The following SMAD3 variants were observed in gnomAD, a reference collection of about 807,000 sequenced individuals.
SMAD3 encodes SMAD family member 3, also known as MAD homolog 3.
Under a neutral mutation model 51.8 loss-of-function variants are expected in SMAD3, and 12 were observed. The observed-to-expected ratio is 0.23, with a 90% confidence interval of 0.15 to 0.38. SMAD3 has a LOEUF of 0.38. Ranked by LOEUF, SMAD3 falls within the 10% of genes least tolerant of loss-of-function variation. The probability of loss-of-function intolerance (pLI) is 1.00; values close to 1 mark genes in which losing one functional copy is unlikely to be tolerated. For missense variants in SMAD3, 294 were observed against 565.6 expected (o/e 0.52, Z 4.87); for synonymous variants, 238 against 227.7 (o/e 1.05, Z -0.41).
intron 1 of SMAD3, among the ~76,000 whole-genome samples, chr15:67,164,572 G>A (rs1322944047): frequency 6.6e-6 from 1 of 152,182 alleles, no homozygotes; most frequent in Non-Finnish European, 1.5e-5. Flanking sequence ...CCTTTTCCAA[G>A]CACAACTGAA....
At chr15:67,126,875 C>T (rs561416115) in intron 1 of SMAD3, among the ~76,000 whole-genome samples, 6 of 152,198 alleles carry the variant, frequency 3.9e-5, no homozygotes, top group Non-Finnish European at 8.8e-5. Context: ...GGCAGTGTGT[C>T]TCCCTACGAC....
At chr15:67,088,409 A>G (rs1261334072) in intron 1 of SMAD3, among the ~76,000 whole-genome samples, 1 of 152,236 alleles carries the variant, frequency 6.6e-6, no homozygotes, top group African/African-American at 2.4e-5. Flanking sequence ...AGGTGAGAGC[A>G]TCTGCCAGTG....
intron 1 of SMAD3, chr15:67,138,145 C>T (rs761569395): frequency 4.1e-5 from 58 of 1,417,826 alleles, no homozygotes; most frequent in South Asian, 2.6e-4. Flanking sequence ...TTCTTGAACT[C>T]GTCTCCCCAC....
At chr15:67,089,943 C>T (rs890297913) in intron 1 of SMAD3, among the ~76,000 whole-genome samples, 1 of 152,176 alleles carries the variant, frequency 6.6e-6, no homozygotes, top group Non-Finnish European at 1.5e-5. Flanking sequence ...GTGGTCTAAC[C>T]AGTGGCCAGC....
At chr15:67,117,394 T>C (rs1961159015) in intron 1 of SMAD3, among the ~76,000 whole-genome samples, 1 of 152,142 alleles carries the variant, frequency 6.6e-6, no homozygotes, top group Non-Finnish European at 1.5e-5. Context: ...GAACCAGCAG[T>C]GGCTTCAGAT....
At chr15:67,165,513 G>A in intron 3 of SMAD3, 129 bp downstream of exon 3, 1 of 1,127,916 alleles carries the variant, frequency 8.9e-7, no homozygotes, top group Non-Finnish European at 1.3e-6. Flanking sequence ...CACAGCTCTG[G>A]CCTGAGGGCC....
chr15:67,117,670 T>A (rs894533961), intron 1 of SMAD3, among the ~76,000 whole-genome samples: 7 of 152,208 alleles, frequency 4.6e-5, no homozygotes, highest in Admixed American at 2.0e-4. Context: ...TTTCAAACTT[T>A]CTTTATAGAG....
intron 1 of SMAD3, among the ~76,000 whole-genome samples, chr15:67,144,046 G>A (rs547434899): frequency 3.7e-4 from 56 of 151,870 alleles, no homozygotes; most frequent in Middle Eastern, 3.4e-3. Context: ...ACAATTTGAT[G>A]AGTTTGATAT....
chr15:67,183,027 ATATATTTTTTTTTT>A (rs1211711341), intron 6 of SMAD3, among the ~76,000 whole-genome samples: 2 of 63,854 alleles, frequency 3.1e-5, no homozygotes, highest in African/African-American at 1.5e-4. Flanking sequence ...ATATATATAT[ATATATTTTTTTTTT>A]TTTTTTTTTT....
chr15:67,142,406 T>C (rs904878245), intron 1 of SMAD3, among the ~76,000 whole-genome samples: 1 of 152,202 alleles, frequency 6.6e-6, no homozygotes, highest in Admixed American at 6.5e-5. Context: ...GCAGAACTTT[T>C]GAGGACAAAT....
intron 1 of SMAD3, among the ~76,000 whole-genome samples, chr15:67,134,747 C>T (rs1028042379): frequency 6.6e-5 from 10 of 152,214 alleles, no homozygotes; most frequent in Non-Finnish European, 1.0e-4. Flanking sequence ...TGTGTTTACA[C>T]GGAGTTGTCA....
At chr15:67,078,334 A>C (rs774332623) in intron 1 of SMAD3, among the ~76,000 whole-genome samples, 1 of 152,190 alleles carries the variant, frequency 6.6e-6, no homozygotes, top group Non-Finnish European at 1.5e-5. Flanking sequence ...TGTGCCTGAC[A>C]CAGTGCCTTC....
chr15:67,184,551 C>T (rs1030183135), intron 6 of SMAD3, among the ~76,000 whole-genome samples, 176 bp from the exon 7 acceptor site: 5 of 152,192 alleles, frequency 3.3e-5, no homozygotes, highest in Admixed American at 6.5e-5. Context: ...TTTAGGAATC[C>T]GGCAGTGCCC....
intron 1 of SMAD3, among the ~76,000 whole-genome samples, chr15:67,080,906 C>G (rs1465505661): frequency 1.3e-5 from 2 of 152,164 alleles, no homozygotes; most frequent in Admixed American, 6.5e-5. Flanking sequence ...TTCTCTTGCC[C>G]CAGATAATTT....
intron 1 of SMAD3, among the ~76,000 whole-genome samples, chr15:67,096,766 C>T (rs1960623126): frequency 1.3e-5 from 2 of 152,126 alleles, no homozygotes; most frequent in Non-Finnish European, 2.9e-5. Context: ...CTTGCACGTG[C>T]AGCCTCTAGA....
At chr15:67,174,475 C>G (rs1962836193) in intron 5 of SMAD3, 1 of 152,378 alleles carries the variant, frequency 6.6e-6, no homozygotes, top group Non-Finnish European at 1.5e-5. Flanking sequence ...AGGACAGTGG[C>G]TACAAGCGGG....
intron 4 of SMAD3, among the ~76,000 whole-genome samples, chr15:67,167,379 G>A (rs1459228927): frequency 6.6e-6 from 1 of 152,162 alleles, no homozygotes; most frequent in Non-Finnish European, 1.5e-5. Flanking sequence ...CCAGTGGGGA[G>A]AAGATGGGAG....
At chr15:67,097,834 A>T (rs1177370227) in intron 1 of SMAD3, among the ~76,000 whole-genome samples, 1 of 152,150 alleles carries the variant, frequency 6.6e-6, no homozygotes, top group East Asian at 1.9e-4. Context: ...TCAAGGTCTA[A>T]CTTCCAAGAT....
chr15:67,185,209 A>G (rs1963191349), intron 7 of SMAD3, among the ~76,000 whole-genome samples: 1 of 152,236 alleles, frequency 6.6e-6, no homozygotes, highest in African/African-American at 2.4e-5. Flanking sequence ...ATGAAGAGGT[A>G]GATGCGGCCC....
Sources: gnomAD v4.1 joint callset for allele counts (sites outside exome capture counted in the v4.1 genomes callset) on GRCh38, gnomAD v4.1.1 for gene constraint, MANE v1.5 for transcripts, NCBI Gene and HGNC (gene_info 2026-07-23, HGNC 2026-07-21) for gene names.